RFWD3: variants seen among roughly 807,000 people sequenced by gnomAD.
The protein encoded by RFWD3 is E3 ubiquitin-protein ligase RFWD3.
Under a neutral mutation model 87.7 loss-of-function variants are expected in RFWD3, and 65 were observed. That is an observed-to-expected ratio of 0.74 (90% CI 0.61 to 0.91). The LOEUF is 0.91. Ranked by LOEUF, RFWD3 falls within the 40% of genes least tolerant of loss-of-function variation. The probability of loss-of-function intolerance (pLI) is 0.00; values close to 1 mark genes in which losing one functional copy is unlikely to be tolerated. For synonymous variants in RFWD3, 433 were observed against 352.8 expected, an observed-to-expected ratio of 1.23 and a Z score of -2.55; for missense variants, 1,078 against 938.5, an observed-to-expected ratio of 1.15 and a Z score of -1.94.
chr16:74,643,777 G>A (rs773057276), intron 6 of RFWD3, among the ~76,000 whole-genome samples: 3 of 146,490 alleles, frequency 2.0e-5, no homozygotes, highest in Non-Finnish European at 4.5e-5. Flanking sequence ...ACGGGTTCAC[G>A]CCATTCTCCT....
At chr16:74,655,793 T>TTTGGGAG (rs1960934804) in intron 2 of RFWD3, among the ~76,000 whole-genome samples, 1 of 152,178 alleles carries the variant, frequency 6.6e-6, no homozygotes, top group Non-Finnish European at 1.5e-5. Flanking sequence ...CCCAAAGTGC[T>TTTGGGAG]GGGATTACAG....
chr16:74,642,151 C>G (rs1959714781), intron 6 of RFWD3, among the ~76,000 whole-genome samples: 1 of 152,034 alleles, frequency 6.6e-6, no homozygotes, highest in South Asian at 2.1e-4. Context: ...GACACAGAGT[C>G]TTGCTCTGTT....
chr16:74,643,380 C>A (rs745963475), intron 6 of RFWD3, among the ~76,000 whole-genome samples: 1 of 152,196 alleles, frequency 6.6e-6, no homozygotes, highest in Non-Finnish European at 1.5e-5. Context: ...CATGCATACA[C>A]CACCGTTCAT....
At chr16:74,644,889 T>C (rs1000609833) in intron 4 of RFWD3, among the ~76,000 whole-genome samples, 154 bp from the exon 5 acceptor site, 2 of 152,256 alleles carry the variant, frequency 1.3e-5, no homozygotes, top group African/African-American at 4.8e-5. Context: ...CTTGTCATTC[T>C]TTCTAGAATG....
intron 4 of RFWD3, among the ~76,000 whole-genome samples, chr16:74,647,502 G>A (rs1960241680): frequency 6.6e-6 from 1 of 152,126 alleles, no homozygotes; most frequent in South Asian, 2.1e-4. Flanking sequence ...TGGCCAGGCT[G>A]GTCTCAAACT....
chr16:74,661,756 A>T (rs956756644), intron 1 of RFWD3, among the ~76,000 whole-genome samples: 13 of 152,232 alleles, frequency 8.5e-5, no homozygotes, highest in Admixed American at 4.6e-4. Flanking sequence ...ACTGGGTCTA[A>T]AAGTAATCTC....
intron 8 of RFWD3, among the ~76,000 whole-genome samples, chr16:74,633,410 C>T (rs1276840692): frequency 6.7e-6 from 1 of 149,656 alleles, no homozygotes; most frequent in Non-Finnish European, 1.5e-5. Flanking sequence ...AACAAACCTA[C>T]TGTATAAACA....
chr16:74,659,834 A>G (rs924340895), intron 2 of RFWD3, among the ~76,000 whole-genome samples: 1 of 152,222 alleles, frequency 6.6e-6, no homozygotes, highest in African/African-American at 2.4e-5. Context: ...CCTCATTTGT[A>G]AAACATGGGT....
At chr16:74,656,136 A>G (rs987253541) in intron 2 of RFWD3, among the ~76,000 whole-genome samples, 2 of 152,018 alleles carry the variant, frequency 1.3e-5, no homozygotes, top group Non-Finnish European at 2.9e-5. Flanking sequence ...ATCTCTACAA[A>G]AAACAGAAAA....
intron 6 of RFWD3, among the ~76,000 whole-genome samples, chr16:74,642,761 G>A (rs914315094): frequency 1.3e-5 from 2 of 152,132 alleles, no homozygotes; most frequent in African/African-American, 4.8e-5. Flanking sequence ...CCAAAGTGCT[G>A]GGATTACAGG....
intron 4 of RFWD3, among the ~76,000 whole-genome samples, chr16:74,648,085 T>C (rs1338719579): frequency 6.6e-6 from 1 of 152,154 alleles, no homozygotes; most frequent in Non-Finnish European, 1.5e-5. Flanking sequence ...GCTAGGACTA[T>C]AGGCGCATGC....
At chr16:74,645,457 A>G (rs1960047007) in intron 4 of RFWD3, among the ~76,000 whole-genome samples, 1 of 152,236 alleles carries the variant, frequency 6.6e-6, no homozygotes, top group African/African-American at 2.4e-5. Context: ...ATAAACCTAG[A>G]CGGTGTAAAC....
At position 74,633,279 on chromosome 16, in the gene RFWD3, GAAAAAA is replaced by G. The variant is rs59964330; in HGVS notation, c.1427-612_1427-607del. ...GCAACCAGAGCAAAACTCCGTCTCA[GAAAAAA>G]AAAAAAAAGAAAAGAAAAAAAAGTA... On this transcript the variant is annotated intron_variant, in intron 8 of 12. Transcript: ENST00000361070. 1.6e-3 allele frequency among the ~76,000 whole-genome samples: 176 copies of G among 111,010 alleles called. 2 individuals are homozygous for G. Among genetic ancestry groups the G allele is most frequent in the African/African-American group, 5.5e-3 (171 of 31,060 alleles). The allele number at this position is 111,010 out of a possible 152,430, so 72.8% of individuals were successfully genotyped here. A position where few individuals can be genotyped will look rare whatever the true frequency, so the allele number is the denominator to read the frequency against.
At position 74,644,709 on chromosome 16, in the gene RFWD3, C is replaced by G. The variant is rs769948841; in HGVS notation, c.819G>C (p.Leu273=). ...CCTCATCCATAGAAGCAGAAGGTAG[C>G]AGAGGCTCAGACTTCTGGGGAGATG... The part of the protein sequence containing the change: ...KQPSPQKSEP[L]LPSASMDEEE... The change falls in exon 5 of 13, where the codon CTG becomes CTC. Residue 273 remains leucine (L), a synonymous_variant. Coordinates refer to ENST00000361070, the MANE Select transcript of RFWD3 (RefSeq NM_018124.4). 5 of 1,613,938 alleles carry G rather than the reference C, an allele frequency of 3.1e-6. No individual in the cohort carries two copies. In the African/African-American group the frequency reaches 6.7e-5, roughly 22 times the overall value.
intron 6 of RFWD3, among the ~76,000 whole-genome samples, chr16:74,641,951 A>C (rs1265083882): frequency 6.8e-6 from 1 of 148,134 alleles, no homozygotes; most frequent in Non-Finnish European, 1.5e-5. Context: ...AAAAAAAAAA[A>C]AAACCAAAGA....
intron 2 of RFWD3, among the ~76,000 whole-genome samples, chr16:74,660,138 A>G (rs192513978): frequency 1.7e-3 from 257 of 152,326 alleles, no homozygotes; most frequent in Non-Finnish European, 2.5e-3. Context: ...TGTAGAAAAC[A>G]GGGCAGATCC....
At chr16:74,644,133 A>ATCCT (rs1959912462) in intron 6 of RFWD3, 1 of 580,726 alleles carries the variant, frequency 1.7e-6, no homozygotes, top group African/African-American at 1.9e-5. Flanking sequence ...AATGTGCCAG[A>ATCCT]TCCTTGTGTT....
chr16:74,651,879 G>T (rs1414255218), intron 3 of RFWD3, 41 bp downstream of exon 3: 2 of 1,562,980 alleles, frequency 1.3e-6, no homozygotes, highest in South Asian at 2.3e-5. Flanking sequence ...AAGCTTCATG[G>T]ATGTTAGCCT....
At chr16:74,650,876 C>CA (rs963550351) in intron 3 of RFWD3, among the ~76,000 whole-genome samples, 31 of 138,000 alleles carry the variant, frequency 2.2e-4, no homozygotes, top group Non-Finnish European at 3.6e-4. Context: ...AACCCTGTCT[C>CA]AAAAAAAACA....
Sources: gnomAD v4.1 joint callset for allele counts (sites outside exome capture counted in the v4.1 genomes callset) on GRCh38, gnomAD v4.1.1 for gene constraint, MANE v1.5 for transcripts, NCBI Gene and HGNC (gene_info 2026-07-23, HGNC 2026-07-21) for gene names.